Variants in CST4 observed in about 807,000 individuals in gnomAD.
CST4 encodes the protein cystatin S, also known as cystatin-S.
Under a neutral mutation model 11.2 loss-of-function variants are expected in CST4, and 17 were observed. The ratio of observed to expected loss-of-function variants is 1.52; its 90% CI spans 1.04 to 2.27. The LOEUF is 2.27. Among genes scored for constraint, CST4 ranks in the 30% most tolerant of loss-of-function variants. CST4 has a pLI of 0.00. For synonymous variants in CST4, 93 were observed against 70.1 expected (o/e 1.33, Z -1.63); for missense variants, 251 against 180.2 (o/e 1.39, Z -2.25).
At chr20:23,688,716 AC>A in intron 1 of CST4, 25 bp downstream of exon 1, 1 of 1,611,430 alleles carries the variant, frequency 6.2e-7, no homozygotes, top group Non-Finnish European at 8.5e-7. Context: ...AGGGCTCAGG[AC>A]CCCTCGGGTG....
At chr20:23,686,059 G>A in intron 2 of CST4, 82 bp from the exon 3 acceptor site, 1 of 1,430,000 alleles carries the variant, frequency 7.0e-7, no homozygotes, top group Non-Finnish European at 9.8e-7. Flanking sequence ...GTCACAGCCT[G>A]GGTGAGGAGG....
Position 23,687,128 on chromosome 20 carries a change from A to G in CST4, c.302T>C (p.Leu101Ser). 6.2e-7 allele frequency: 1 copy of G among 1,614,114 alleles called. No individual in the cohort carries two copies. The highest frequency in any genetic ancestry group is 1.1e-5 in the South Asian group (1 of 91,082). Residue 101 changes from leucine to serine, a missense_variant, in exon 2 of 3, where the codon TTG becomes TCG. Leu to Ser is a moderately radical substitution (Grantham distance 145, BLOSUM62 -2). Coordinates refer to ENST00000217423, the MANE Select transcript of CST4 (RefSeq NM_001899.3). ...CTGTTCATGGAAGGCACAGGTGTCC[A>G]AGTTGGGCTGGGACTTGGTACATAT... Reference protein sequence around the residue: ...RTICTKSQPNLDTCAFHEQPE... With the variant: ...RTICTKSQPNSDTCAFHEQPE...
chr20:23,687,003 G>A (rs528768550), intron 2 of CST4, 85 bp downstream of exon 2: 139 of 1,563,868 alleles, frequency 8.9e-5, no homozygotes, highest in South Asian at 1.6e-4. Context: ...CACACACACC[G>A]TCCAAACATG....
Position 23,688,770 on chromosome 20 carries a change from G to T in CST4, c.200C>A (p.Pro67Gln). 1 of 1,614,134 alleles carries T rather than the reference G, an allele frequency of 6.2e-7. No homozygotes were observed. The highest frequency in any genetic ancestry group is 2.2e-5 in the East Asian group (1 of 44,872). Residue 67 changes from proline to glutamine, a missense_variant, in exon 1 of 3, where the codon CCG becomes CAG. Physicochemically the swap from Pro to Gln is moderately conservative, Grantham distance 76 (BLOSUM62 -1). Transcript: ENST00000217423. The stretch of plus-strand genomic sequence containing the variant: ...CTCCCTGGCTCGCAGCACCTGCAGC[G>T]GGCGTCTGTAGTACTCATCTTCGGT... ...KATEDEYYRR[P>Q]LQVLRAREQT...
rs201273557 is a variant in CST4 at position 23,688,833 on chromosome 20, C to T, written c.137G>A (p.Arg46His). Residue 46 changes from arginine to histidine, a missense_variant, in exon 1 of 3, where the codon CGT becomes CAT. By Grantham distance (29) the Arg-to-His change is conservative (BLOSUM62 0). Coordinates refer to ENST00000217423, the MANE Select transcript of CST4 (RefSeq NM_001899.3). ...CTCGCTGATGGCGAAGTGAAGGGCA[C>T]GCTGTACCCACTCATCATTGAGGTC... ...DADLNDEWVQ[R>H]ALHFAISEYN... The T allele has an allele frequency of 1.1e-4, 174 of 1,614,020 alleles. 1 individual carries two copies. The highest frequency in any genetic ancestry group is 2.7e-4 in the Admixed American group (16 of 60,008).
rs749501921 is a variant in CST4, at chr20:23,688,912, C to T, written c.58G>A (p.Ala20Thr). 11 of 1,614,078 alleles carry T rather than the reference C, an allele frequency of 6.8e-6. No homozygotes were observed. The African/African-American group carries it at 1.3e-4, about 20-fold the overall frequency. The change falls in exon 1 of 3, where the codon GCC becomes ACC. Residue 20 changes from alanine (A) to threonine (T), a missense_variant. Physicochemically the swap from Ala to Thr is moderately conservative, Grantham distance 58 (BLOSUM62 0). Transcript: ENST00000217423. ...CTATTCTCCTCCTTGGAGCTCGAGGCCAGAGCCCCAGCCAGGGTAGCCATC... is the reference window on the plus strand; with the variant it reads ...CTATTCTCCTCCTTGGAGCTCGAGGTCAGAGCCCCAGCCAGGGTAGCCATC... ...LLMATLAGAL[A>T]SSSKEENRII...
intron 1 of CST4, among the ~76,000 whole-genome samples, chr20:23,688,000 G>A (rs1981102472): frequency 6.6e-6 from 1 of 152,222 alleles, no homozygotes; most frequent in South Asian, 2.1e-4. Flanking sequence ...AACGGGACTG[G>A]TCTGGATTCC....
At chr20:23,688,690 G>A (rs1205407890) in intron 1 of CST4, 52 bp downstream of exon 1, 17 of 1,561,978 alleles carry the variant, frequency 1.1e-5, no homozygotes, top group East Asian at 2.2e-5. Context: ...TTGGGGGTCC[G>A]GCAACAAACC....
chr20:23,686,190 C>T (rs1260565559), intron 2 of CST4, among the ~76,000 whole-genome samples: 1 of 152,104 alleles, frequency 6.6e-6, no homozygotes, highest in Admixed American at 6.5e-5. Flanking sequence ...GGCATTGGGC[C>T]CCCACCCCAG....
In CST4 at chr20:23,685,645, T is replaced by C. The variant is rs1022319280; in HGVS notation, c.*249A>G. 4 of 556,346 alleles carry C rather than the reference T, an allele frequency of 7.2e-6. No individual in the cohort carries two copies. The highest frequency in any genetic ancestry group is 1.3e-5 in the Non-Finnish European group (4 of 310,392). 34.5% of individuals were successfully genotyped at this position (556,346 alleles called of 1,614,324 possible). On this transcript the variant is annotated 3_prime_UTR_variant, in exon 3 of 3. Coordinates refer to ENST00000217423, the MANE Select transcript of CST4 (RefSeq NM_001899.3). ...CAGCCAAGAACTCAGAGGGAGGCGA[T>C]GCTACTGTTTAATTGCAGGAGGTGG...
chr20:23,687,129 A>C lies in CST4; in HGVS notation c.301T>G (p.Leu101Val), dbSNP rs768223485. The C allele has an allele frequency of 4.1e-4, 669 of 1,614,136 alleles. 1 individual carries two copies. Among genetic ancestry groups the C allele is most frequent in the Non-Finnish European group, 5.2e-4 (609 of 1,180,028 alleles). Reference sequence around the variant, plus strand: ...TGTTCATGGAAGGCACAGGTGTCCAAGTTGGGCTGGGACTTGGTACATATG... The same window carrying C: ...TGTTCATGGAAGGCACAGGTGTCCACGTTGGGCTGGGACTTGGTACATATG... ...RTICTKSQPN[L>V]DTCAFHEQPE... The change falls in exon 2 of 3, where the codon TTG becomes GTG. Residue 101 changes from leucine (L) to valine (V), a missense_variant. Physicochemically the swap from Leu to Val is conservative, Grantham distance 32. Transcript: ENST00000217423.
chr20:23,687,830 A>C (rs1461617090), intron 1 of CST4, among the ~76,000 whole-genome samples: 4 of 152,208 alleles, frequency 2.6e-5, no homozygotes, highest in South Asian at 2.1e-4. Flanking sequence ...TTACCCATGT[A>C]TAAAATAGGC....
Position 23,688,799 on chromosome 20 carries a change from C to T in CST4, c.171G>A (p.Lys57=), listed in dbSNP as rs1981130708. 6.2e-6 allele frequency: 10 copies of T among 1,614,046 alleles called. No individual in the cohort carries two copies. The South Asian group carries it at 6.6e-5, about 11-fold the overall frequency. ...GTCTGTAGTACTCATCTTCGGTGGC[C>T]TTGTTGTACTCGCTGATGGCGAAGT... ...ALHFAISEYN[K]ATEDEYYRRP... Residue 57 remains lysine, a synonymous_variant, in exon 1 of 3, where the codon AAG becomes AAA. Coordinates refer to ENST00000217423, the MANE Select transcript of CST4 (RefSeq NM_001899.3).
At chr20:23,687,513 C>G (rs1316941252) in intron 1 of CST4, among the ~76,000 whole-genome samples, 1 of 152,174 alleles carries the variant, frequency 6.6e-6, no homozygotes, top group Admixed American at 6.5e-5. Flanking sequence ...AGCTAACTCA[C>G]GAAAATCTTA....
In CST4 at chr20:23,685,724, G is replaced by A. The variant is rs779339433; in HGVS notation, c.*170C>T. The A allele has an allele frequency of 1.3e-5, 8 of 638,874 alleles. No individual in the cohort carries two copies. The highest frequency in any genetic ancestry group is 2.8e-5 in the Admixed American group (1 of 36,318). The allele number at this position is 638,874 out of a possible 1,614,324, so 39.6% of individuals were successfully genotyped here. ...TAGAAGCAAGAAGGAAGGAGGGAGG[G>A]CAGAGCGCCCTGCTGAGCAACAAAG... On this transcript the variant is annotated 3_prime_UTR_variant, in exon 3 of 3. Coordinates refer to ENST00000217423, the MANE Select transcript of CST4 (RefSeq NM_001899.3).
chr20:23,685,699 T>G lies in CST4; in HGVS notation c.*195A>C, dbSNP rs1226428265. The stretch of plus-strand genomic sequence containing the variant: ...TGTGTGTACCATGTACCAGGTCTAT[T>G]AGAAGCAAGAAGGAAGGAGGGAGGG... On this transcript the variant is annotated 3_prime_UTR_variant, in exon 3 of 3. Coordinates refer to ENST00000217423, the MANE Select transcript of CST4 (RefSeq NM_001899.3). 1.5e-5 allele frequency: 9 copies of G among 611,290 alleles called. No individual in the cohort carries two copies. The highest frequency in any genetic ancestry group is 3.7e-5 in the African/African-American group (2 of 53,932). 37.9% of individuals were successfully genotyped at this position (611,290 alleles called of 1,614,324 possible). A position where few individuals can be genotyped will look rare whatever the true frequency, so the allele number is the denominator to read the frequency against.
intron 2 of CST4, among the ~76,000 whole-genome samples, chr20:23,686,193 C>G (rs1295062320): frequency 6.6e-6 from 1 of 152,140 alleles, no homozygotes; most frequent in Non-Finnish European, 1.5e-5. Flanking sequence ...ATTGGGCCCC[C>G]ACCCCAGCCT....
Position 23,688,989 on chromosome 20 carries a change from C to A in CST4, c.-20G>T. On this transcript the variant is annotated 5_prime_UTR_variant, in exon 1 of 3. Transcript: ENST00000217423. ...GGCCATGGTCTCCTCAGAGGCAGAGCACAAAGCTGGAGCTGCAGGAGAGGA... is the reference window on the plus strand; with the variant it reads ...GGCCATGGTCTCCTCAGAGGCAGAGAACAAAGCTGGAGCTGCAGGAGAGGA... 2 of 1,609,946 alleles carry A rather than the reference C, an allele frequency of 1.2e-6. No individual in the cohort carries two copies. Among genetic ancestry groups the A allele is most frequent in the Non-Finnish European group, 1.7e-6 (2 of 1,177,056 alleles).
intron 1 of CST4, among the ~76,000 whole-genome samples, chr20:23,687,725 C>T (rs1363952139): frequency 2.0e-5 from 3 of 152,218 alleles, no homozygotes; most frequent in African/African-American, 7.2e-5. Context: ...TGCACAGGGC[C>T]TCTCCCAGAC....
Sources: gnomAD v4.1 joint callset for allele counts (sites outside exome capture counted in the v4.1 genomes callset) on GRCh38, gnomAD v4.1.1 for gene constraint, MANE v1.5 for transcripts, NCBI Gene and HGNC (gene_info 2026-07-23, HGNC 2026-07-21) for gene names.